ENOX1: variants seen among roughly 807,000 people sequenced by gnomAD.
ENOX1 encodes the protein ecto-NOX disulfide-thiol exchanger 1.
ENOX1 carries 42 observed loss-of-function variants against 82.5 expected under a neutral mutation model. The observed-to-expected ratio is 0.51, with a 90% CI of 0.40 to 0.66. The LOEUF is 0.66. Among genes scored for constraint, ENOX1 ranks in the 30% least tolerant of loss-of-function variants. The probability of loss-of-function intolerance (pLI) is 0.00; values close to 1 mark genes in which losing one functional copy is unlikely to be tolerated. For synonymous variants in ENOX1, 271 were observed against 282.2 expected (o/e 0.96, Z 0.40); for missense variants, 608 against 811.6 (o/e 0.75, Z 3.05).
intron 2 of ENOX1, among the ~76,000 whole-genome samples, chr13:43,582,031 C>T (rs1202447457): frequency 6.6e-6 from 1 of 151,980 alleles, no homozygotes; most frequent in Non-Finnish European, 1.5e-5. Flanking sequence ...AAAACAGGCA[C>T]AAAATTTGAA....
chr13:43,261,826 C>T (rs932221281), intron 14 of ENOX1, among the ~76,000 whole-genome samples: 34 of 117,374 alleles, frequency 2.9e-4, no homozygotes, highest in African/African-American at 1.0e-3. Context: ...ATATCACACT[C>T]TGGGGACTGT....
intron 11 of ENOX1, among the ~76,000 whole-genome samples, chr13:43,313,461 G>A (rs1487236218): frequency 1.3e-5 from 2 of 152,144 alleles, no homozygotes; most frequent in Non-Finnish European, 2.9e-5. Context: ...GACTGAAAAT[G>A]TCTAGGGAGT....
At chr13:43,214,640 C>T (rs1460452213) in intron 16 of ENOX1, among the ~76,000 whole-genome samples, 2 of 152,170 alleles carry the variant, frequency 1.3e-5, no homozygotes, top group African/African-American at 2.4e-5. Flanking sequence ...AATCTAAACT[C>T]CAAAACCTAC....
chr13:43,309,886 T>C (rs2047091715), intron 11 of ENOX1, among the ~76,000 whole-genome samples: 1 of 152,200 alleles, frequency 6.6e-6, no homozygotes, highest in Admixed American at 6.5e-5. Flanking sequence ...GTAGCAATGT[T>C]TTATTCTTAC....
chr13:43,278,296 A>G (rs1291387711), intron 12 of ENOX1, among the ~76,000 whole-genome samples: 1 of 152,148 alleles, frequency 6.6e-6, no homozygotes, highest in Non-Finnish European at 1.5e-5. Context: ...TCTCTCACAC[A>G]TGACTTAGCT....
chr13:43,486,441 TA>T (rs1472605901), intron 2 of ENOX1, among the ~76,000 whole-genome samples: 1 of 152,094 alleles, frequency 6.6e-6, no homozygotes, highest in East Asian at 1.9e-4. Context: ...ATTTTCAGAT[TA>T]AATGCCTAAA....
intron 2 of ENOX1, chr13:43,547,111 C>T (rs146575330): frequency 1.7e-4 from 26 of 152,324 alleles, no homozygotes; most frequent in African/African-American, 5.5e-4. Context: ...GAGAGTCAGG[C>T]CTGGCCCATC....
chr13:43,378,772 G>T (rs981649577), intron 5 of ENOX1, among the ~76,000 whole-genome samples: 1 of 152,150 alleles, frequency 6.6e-6, no homozygotes, highest in Non-Finnish European at 1.5e-5. Context: ...AATTCACAAT[G>T]TCTGGTAACC....
intron 8 of ENOX1, among the ~76,000 whole-genome samples, chr13:43,346,916 C>T (rs79114428): frequency 0.025 from 3,757 of 152,026 alleles, 65 homozygotes; most frequent in Non-Finnish European, 0.036. Flanking sequence ...AAAGAGAACA[C>T]TGACTTCATG....
At chr13:43,283,307 A>G (rs1593697510) in intron 12 of ENOX1, among the ~76,000 whole-genome samples, 2 of 151,770 alleles carry the variant, frequency 1.3e-5, no homozygotes, top group African/African-American at 4.8e-5. Context: ...TTTTTTCTTG[A>G]TACATGTTGC....
intron 5 of ENOX1, among the ~76,000 whole-genome samples, chr13:43,405,897 C>T (rs1440972208): frequency 6.6e-6 from 1 of 152,160 alleles, no homozygotes; most frequent in Non-Finnish European, 1.5e-5. Context: ...CTATAGCACC[C>T]TTTATCTATT....
chr13:43,296,028 C>G (rs2046267519), intron 12 of ENOX1, among the ~76,000 whole-genome samples: 1 of 152,152 alleles, frequency 6.6e-6, no homozygotes, highest in Non-Finnish European at 1.5e-5. Context: ...GGATCCCACA[C>G]AGCCCAGAGC....
intron 1 of ENOX1, among the ~76,000 whole-genome samples, chr13:43,738,058 C>T (rs572699487): frequency 9.2e-5 from 14 of 151,986 alleles, no homozygotes; most frequent in Non-Finnish European, 1.9e-4. Context: ...AAAAATGATA[C>T]GTAAGTAAAA....
chr13:43,550,891 T>G (rs2079167496), intron 2 of ENOX1, among the ~76,000 whole-genome samples: 1 of 152,204 alleles, frequency 6.6e-6, no homozygotes, highest in African/African-American at 2.4e-5. Context: ...GTTTACGTTA[T>G]TAAGGAAAGG....
At chr13:43,305,351 A>G (rs2046799737) in intron 11 of ENOX1, among the ~76,000 whole-genome samples, 1 of 152,216 alleles carries the variant, frequency 6.6e-6, no homozygotes, top group African/African-American at 2.4e-5. Flanking sequence ...TAGCATTGAC[A>G]TAACATTTCA....
chr13:43,563,430 A>T (rs1040344970), intron 2 of ENOX1, among the ~76,000 whole-genome samples: 3 of 152,128 alleles, frequency 2.0e-5, no homozygotes, highest in Admixed American at 1.3e-4. Context: ...ATAAAAGAAG[A>T]AAAACTTCAA....
At chr13:43,356,224 C>A in intron 7 of ENOX1, 72 bp from the exon 8 acceptor site, 4 of 1,322,234 alleles carry the variant, frequency 3.0e-6, no homozygotes, top group South Asian at 1.3e-5. Flanking sequence ...ACCTTCAAGG[C>A]ACGCTTAGGC....
At chr13:43,572,315 G>A (rs752269127) in intron 2 of ENOX1, among the ~76,000 whole-genome samples, 1 of 152,136 alleles carries the variant, frequency 6.6e-6, no homozygotes, top group Admixed American at 6.5e-5. Flanking sequence ...GCTAGGAATT[G>A]TTTGGCTCAA....
chr13:43,765,703 T>A (rs1951222094), intron 1 of ENOX1, among the ~76,000 whole-genome samples: 2 of 152,108 alleles, frequency 1.3e-5, no homozygotes, highest in South Asian at 4.1e-4. Flanking sequence ...AATGAAGGAA[T>A]GAATGACAAA....
Sources: gnomAD v4.1 joint callset for allele counts (sites outside exome capture counted in the v4.1 genomes callset) on GRCh38, gnomAD v4.1.1 for gene constraint, MANE v1.5 for transcripts, NCBI Gene and HGNC (gene_info 2026-07-23, HGNC 2026-07-21) for gene names.